Variants in PRKDC observed in about 807,000 individuals in gnomAD.
PRKDC encodes the protein DNA-dependent protein kinase catalytic subunit.
Under a neutral mutation model 486.9 loss-of-function variants are expected in PRKDC, and 82 were observed. That is an observed-to-expected ratio of 0.17 (90% CI 0.14 to 0.20). The LOEUF (loss-of-function observed/expected upper bound fraction) is 0.20, where lower values mean the gene tolerates loss of function less well. Ranked by LOEUF, PRKDC falls within the 10% of genes least tolerant of loss-of-function variation. PRKDC has a pLI of 1.00. For synonymous variants in PRKDC, 1,895 were observed against 1,837.0 expected (o/e 1.03, Z -0.81); for missense variants, 4,504 against 5,038.2 (o/e 0.89, Z 3.21).
At chr8:47,899,551 G>A (rs1319667422) in intron 28 of PRKDC, among the ~76,000 whole-genome samples, 32 of 152,188 alleles carry the variant, frequency 2.1e-4, no homozygotes, top group Admixed American at 6.5e-5. Flanking sequence ...GCTGAGGCAG[G>A]AGAATCGCTT....
intron 74 of PRKDC, among the ~76,000 whole-genome samples, chr8:47,790,738 G>C (rs2086868617): frequency 6.6e-6 from 1 of 152,104 alleles, no homozygotes; most frequent in Non-Finnish European, 1.5e-5. Flanking sequence ...GAACAGAATA[G>C]AGAACCCAGA....
At chr8:47,899,348 A>T (rs567964719) in intron 28 of PRKDC, among the ~76,000 whole-genome samples, 2 of 152,316 alleles carry the variant, frequency 1.3e-5, no homozygotes, top group African/African-American at 4.8e-5. Flanking sequence ...CTGTCTTTTT[A>T]AAAAATAAAC....
At chr8:47,916,844 CCAT>C (rs2089992860) in intron 22 of PRKDC, among the ~76,000 whole-genome samples, 1 of 152,180 alleles carries the variant, frequency 6.6e-6, no homozygotes, top group Non-Finnish European at 1.5e-5. Flanking sequence ...ACAGTGTTCT[CCAT>C]CATAATACCG....
In PRKDC at chr8:47,794,492, C is replaced by T. The variant is rs371869259; in HGVS notation, c.10468G>A (p.Val3490Ile). ...CAGCTGATGAACTGCCAGCAGGGAA[C>T]GGAAGAGATCTAAAACAGAGAGCTG... ...LSLMTKEISS[V>I]PCWQFISWIS... The change falls in exon 74 of 86, where the codon GTT becomes ATT. Residue 3490 changes from valine to isoleucine, a missense_variant. Val to Ile is a conservative substitution (Grantham distance 29). Around this residue, in one of 6 missense-constraint regions of PRKDC, gnomAD observed 706 missense variants for 945.0 expected, o/e 0.75. Transcript: ENST00000314191. 1.6e-4 allele frequency: 260 copies of T among 1,606,998 alleles called. No homozygotes were observed. Among genetic ancestry groups the T allele is most frequent in the African/African-American group, 3.6e-4 (27 of 74,730 alleles).
rs564737459 is a variant in PRKDC at position 47,887,721 on chromosome 8, C to T, written c.4414-16G>A. 2 of 1,588,154 alleles carry T rather than the reference C, an allele frequency of 1.3e-6. No individual in the cohort carries two copies. Among genetic ancestry groups the T allele is most frequent in the African/African-American group, 1.4e-5 (1 of 73,982 alleles). On this transcript the variant is annotated splice_polypyrimidine_tract_variant and intron_variant, in intron 34 of 85. Transcript: ENST00000314191. ...AATCTGTGGACTAAAAGGAAGCCAA[C>T]ACTGAAATGCCTAGCAAAAAGATAT...
chr8:47,958,811 C>T (rs771050137), intron 1 of PRKDC, among the ~76,000 whole-genome samples: 4 of 151,298 alleles, frequency 2.6e-5, no homozygotes, highest in Non-Finnish European at 5.9e-5. Context: ...TCTCGGCTCA[C>T]TGCAATCTCC....
chr8:47,799,089 G>A, intron 72 of PRKDC, 121 bp downstream of exon 72: 2 of 1,307,030 alleles, frequency 1.5e-6, no homozygotes, highest in Admixed American at 4.5e-5. Context: ...TAAAAAGACA[G>A]TAGGATTTTC....
Position 47,890,447 on chromosome 8 carries a change from A to G in PRKDC, c.3881T>C (p.Val1294Ala). 1 of 1,573,626 alleles carries G rather than the reference A, an allele frequency of 6.4e-7. No homozygotes were observed. Among genetic ancestry groups the G allele is most frequent in the Non-Finnish European group, 8.6e-7 (1 of 1,158,128 alleles). The change falls in exon 32 of 86, where the codon GTG becomes GCG. Residue 1294 changes from valine to alanine, a missense_variant. By Grantham distance (64) the Val-to-Ala change is moderately conservative. Coordinates refer to ENST00000314191, the MANE Select transcript of PRKDC (RefSeq NM_006904.7). Reference sequence around the variant, plus strand: ...GGCAATGCTTTCTAAGAAGAAAGCCACTGCTTTCAAAAGTGAAGACTGGGC... The same window carrying G: ...GGCAATGCTTTCTAAGAAGAAAGCCGCTGCTTTCAAAAGTGAAGACTGGGC... ...TEAQSSLLKA[V>A]AFFLESIAMH...
chr8:47,858,425 A>G (rs2088595355), intron 48 of PRKDC, 91 bp downstream of exon 48: 1 of 1,228,644 alleles, frequency 8.1e-7, no homozygotes, highest in Non-Finnish European at 1.1e-6. Context: ...TTTTAAGTAT[A>G]TTCATAGAAT....
chr8:47,776,776 T>C, intron 85 of PRKDC, 68 bp downstream of exon 85: 5 of 1,562,666 alleles, frequency 3.2e-6, no homozygotes, highest in Non-Finnish European at 3.5e-6. Flanking sequence ...TTTGTATATA[T>C]GTTGGCTCCT....
rs2086720886 is a variant in PRKDC, at chr8:47,782,820, A to C, written c.11176-222T>G. 6.9e-6 allele frequency: 4 copies of C among 582,388 alleles called. No individual in the cohort carries two copies. The highest frequency in any genetic ancestry group is 1.9e-5 in the African/African-American group (1 of 53,630). The allele number at this position is 582,388 out of a possible 1,614,324, so 36.1% of individuals were successfully genotyped here. ...TCCTGATTATAAATACTTGCTTATG[A>C]ATGTGGATATCTTTAGCAAGCAGCA... On this transcript the variant is annotated intron_variant, in intron 78 of 85. Transcript: ENST00000314191. The surrounding 1 kb of genome is among the most constrained non-coding windows in gnomAD (Gnocchi z 4.9).
At position 47,821,624 on chromosome 8, in the gene PRKDC, A is replaced by G; in HGVS notation, c.9091T>C (p.Trp3031Arg). 1 of 1,599,374 alleles carries G rather than the reference A, an allele frequency of 6.3e-7. No individual in the cohort carries two copies. The highest frequency in any genetic ancestry group is 1.1e-5 in the South Asian group (1 of 88,924). The change falls in exon 65 of 86, where the codon TGG (tryptophan) becomes CGG (arginine). Residue 3031 changes from tryptophan (W) to arginine (R), a missense_variant. Coordinates refer to ENST00000314191, the MANE Select transcript of PRKDC (RefSeq NM_006904.7). ...CCCACCTGATAAAATGGTTCACTCC[A>G]GATTTTATTTAGGTCTGGGGGGTTC... ...SENPPDLNKI[W>R]SEPFYQETYL...
At chr8:47,815,666 A>T (rs1463416954) in intron 68 of PRKDC, among the ~76,000 whole-genome samples, 1 of 152,254 alleles carries the variant, frequency 6.6e-6, no homozygotes, top group Non-Finnish European at 1.5e-5. Flanking sequence ...AACAGAAGGA[A>T]GGGTGCCTGC....
intron 48 of PRKDC, 70 bp from the exon 49 acceptor site, chr8:47,857,369 T>C (rs181789782): frequency 1.0e-5 from 15 of 1,473,658 alleles, no homozygotes; most frequent in African/African-American, 1.4e-5. Flanking sequence ...TACAAGACTG[T>C]ATCTTCCATC....
At chr8:47,779,918 T>TC (rs935530888) in intron 80 of PRKDC, among the ~76,000 whole-genome samples, 4 of 145,178 alleles carry the variant, frequency 2.8e-5, no homozygotes, top group Non-Finnish European at 6.1e-5. Context: ...TTGTCTTTTT[T>TC]TTTTTTTTTT....
chr8:47,883,489 T>A (rs1261314973), intron 36 of PRKDC, among the ~76,000 whole-genome samples: 2 of 152,176 alleles, frequency 1.3e-5, no homozygotes, highest in African/African-American at 2.4e-5. Flanking sequence ...TGGAGCTGTG[T>A]CCTCAGCAAA....
intron 40 of PRKDC, among the ~76,000 whole-genome samples, chr8:47,871,090 A>G (rs1293888442): frequency 1.3e-5 from 2 of 152,214 alleles, no homozygotes; most frequent in Admixed American, 1.3e-4. Flanking sequence ...AGATCTAGAA[A>G]AGAGCCTCAA....
chr8:47,955,968 T>A lies in PRKDC; in HGVS notation c.325-20A>T, dbSNP rs2090693659. 3 of 1,492,650 alleles carry A rather than the reference T, an allele frequency of 2.0e-6. No homozygotes were observed. The highest frequency in any genetic ancestry group is 2.8e-6 in the Non-Finnish European group (3 of 1,089,046). The allele number at this position is 1,492,650 out of a possible 1,614,324, so 92.5% of individuals were successfully genotyped here. The stretch of plus-strand genomic sequence containing the variant: ...AGTGTTCTAGGTTTTAAAAAAAAAA[T>A]AACCAAAATCATCAATAAGATATAA... On this transcript the variant is annotated intron_variant, in intron 3 of 85. Transcript: ENST00000314191.
chr8:47,919,043 GACTCAAC>G (rs908123801), intron 21 of PRKDC, among the ~76,000 whole-genome samples: 2 of 151,818 alleles, frequency 1.3e-5, no homozygotes, highest in Non-Finnish European at 2.9e-5. Context: ...GTAAGTGACC[GACTCAAC>G]ACCCCACTGC....
Sources: gnomAD v4.1 joint callset for allele counts (sites outside exome capture counted in the v4.1 genomes callset) on GRCh38, gnomAD v4.1.1 for gene constraint, gnomAD v4.1.1 regional missense constraint, Gnocchi (gnomAD v3.1) non-coding constraint, MANE v1.5 for transcripts, NCBI Gene and HGNC (gene_info 2026-07-23, HGNC 2026-07-21) for gene names.